Variants in PAK5 observed in about 807,000 individuals in gnomAD.
PAK5 encodes serine/threonine-protein kinase PAK 5.
In PAK5, 16 loss-of-function variants were observed where a neutral mutation model predicts 65.9. The ratio of observed to expected loss-of-function variants is 0.24; its 90% confidence interval spans 0.16 to 0.37. PAK5 has a LOEUF of 0.37. PAK5 is among the 10% of genes least tolerant of loss of function. The pLI is 1.00. For missense variants in PAK5, 785 were observed against 903.9 expected, an observed-to-expected ratio of 0.87 and a Z score of 1.69; for synonymous variants, 371 against 354.9, an observed-to-expected ratio of 1.05 and a Z score of -0.51.
At chr20:9,640,660 T>TAA (rs2047044733) in intron 3 of PAK5, among the ~76,000 whole-genome samples, 1 of 152,214 alleles carries the variant, frequency 6.6e-6, no homozygotes, top group Non-Finnish European at 1.5e-5. Context: ...GTGGCACGTC[T>TAA]GGAGTCTGTC....
At chr20:9,716,057 A>G (rs1162176912) in intron 1 of PAK5, among the ~76,000 whole-genome samples, 1 of 152,160 alleles carries the variant, frequency 6.6e-6, no homozygotes, top group Admixed American at 6.5e-5. Flanking sequence ...AAAAATATGT[A>G]CATAAAAATC....
At chr20:9,799,741 A>G (rs1224855208) in intron 1 of PAK5, among the ~76,000 whole-genome samples, 1 of 151,958 alleles carries the variant, frequency 6.6e-6, no homozygotes, top group Non-Finnish European at 1.5e-5. Context: ...GAAATGAGAG[A>G]GCAGCATGAC....
intron 4 of PAK5, among the ~76,000 whole-genome samples, chr20:9,576,627 T>C (rs764352362): frequency 6.6e-6 from 1 of 152,214 alleles, no homozygotes; most frequent in Non-Finnish European, 1.5e-5. Flanking sequence ...TAATGCAACT[T>C]CATTGCTTCA....
At chr20:9,758,774 T>C (rs961582907) in intron 1 of PAK5, among the ~76,000 whole-genome samples, 3 of 152,196 alleles carry the variant, frequency 2.0e-5, no homozygotes, top group Admixed American at 6.5e-5. Flanking sequence ...ATAAAATGTG[T>C]TCTATTTATG....
chr20:9,667,839 G>A (rs774995881), intron 2 of PAK5, among the ~76,000 whole-genome samples: 3 of 152,142 alleles, frequency 2.0e-5, no homozygotes, highest in African/African-American at 4.8e-5. Flanking sequence ...TATGAAATGA[G>A]AAATTGTTGC....
At chr20:9,578,865 G>C (rs1188687802) in intron 4 of PAK5, among the ~76,000 whole-genome samples, 1 of 151,340 alleles carries the variant, frequency 6.6e-6, no homozygotes, top group Non-Finnish European at 1.5e-5. Context: ...TTAATACCAC[G>C]AGATAAAAAA....
intron 1 of PAK5, among the ~76,000 whole-genome samples, chr20:9,803,998 G>T (rs978031264): frequency 2.0e-5 from 3 of 152,150 alleles, no homozygotes; most frequent in African/African-American, 7.2e-5. Flanking sequence ...TTCCTCCAGA[G>T]GCCTACCTGG....
At chr20:9,629,497 T>A (rs997399469) in intron 3 of PAK5, among the ~76,000 whole-genome samples, 1 of 133,700 alleles carries the variant, frequency 7.5e-6, no homozygotes, top group East Asian at 2.3e-4. Flanking sequence ...TTGAAATATT[T>A]AAAAAATACA....
At chr20:9,607,793 C>T (rs534233535) in intron 3 of PAK5, among the ~76,000 whole-genome samples, 12 of 151,838 alleles carry the variant, frequency 7.9e-5, no homozygotes, top group Non-Finnish European at 1.5e-4. Flanking sequence ...CATGCCACTG[C>T]CCTCCAGCCT....
chr20:9,580,515 C>T lies in PAK5; in HGVS notation c.620G>A (p.Ser207Asn), dbSNP rs370945155. The T allele has an allele frequency of 6.2e-6, 10 of 1,614,124 alleles. No individual in the cohort carries two copies. In the African/African-American group the frequency reaches 1.2e-4, roughly 19 times the overall value. Reference sequence around the variant, plus strand: ...GAGGTCACTGTATTCACTTGGTTTGCTCAGTGAGTCCAAATGTGAGTGATA... The same window carrying T: ...GAGGTCACTGTATTCACTTGGTTTGTTCAGTGAGTCCAAATGTGAGTGATA... Reference protein sequence around the residue: ...ADYHSHLDSLSKPSEYSDLKW... With the variant: ...ADYHSHLDSLNKPSEYSDLKW... The change falls in exon 4 of 10, where the codon AGC (serine) becomes AAC (asparagine). Residue 207 changes from serine to asparagine, a missense_variant. Around this residue, in one of 4 missense-constraint regions of PAK5, gnomAD observed 422 missense variants for 413.3 expected, o/e 1.02. Coordinates refer to ENST00000353224, the MANE Select transcript of PAK5 (RefSeq NM_177990.4).
At chr20:9,581,183 T>G (rs2045974330) in intron 3 of PAK5, among the ~76,000 whole-genome samples, 1 of 152,202 alleles carries the variant, frequency 6.6e-6, no homozygotes, top group Non-Finnish European at 1.5e-5. Flanking sequence ...CAAAAAGCCA[T>G]GTAGGAGACT....
At chr20:9,573,898 A>G (rs1205573873) in intron 4 of PAK5, among the ~76,000 whole-genome samples, 4 of 152,304 alleles carry the variant, frequency 2.6e-5, no homozygotes, top group African/African-American at 7.2e-5. Flanking sequence ...TCAGAGCACA[A>G]TAAAACAAAG....
At chr20:9,646,772 T>C (rs1172041422) in intron 2 of PAK5, among the ~76,000 whole-genome samples, 4 of 152,204 alleles carry the variant, frequency 2.6e-5, no homozygotes, top group Non-Finnish European at 5.9e-5. Flanking sequence ...CTTGCTGTCC[T>C]TAGAAACAGC....
intron 1 of PAK5, among the ~76,000 whole-genome samples, chr20:9,745,896 A>G (rs1377951783): frequency 6.6e-6 from 1 of 152,126 alleles, no homozygotes; most frequent in Non-Finnish European, 1.5e-5. Context: ...AGAAATATGA[A>G]TCCAGTTTGG....
chr20:9,644,737 G>C (rs2047111413), intron 2 of PAK5, among the ~76,000 whole-genome samples: 1 of 152,182 alleles, frequency 6.6e-6, no homozygotes, highest in African/African-American at 2.4e-5. Flanking sequence ...CTCAGCCTAG[G>C]TCTTGGAAGG....
chr20:9,824,888 T>C (rs981007232), intron 1 of PAK5, among the ~76,000 whole-genome samples: 5 of 152,184 alleles, frequency 3.3e-5, no homozygotes, highest in African/African-American at 1.2e-4. Flanking sequence ...ATATGCCTCC[T>C]CATGGTACAT....
chr20:9,684,584 T>A (rs998123060), intron 2 of PAK5, among the ~76,000 whole-genome samples: 2 of 152,178 alleles, frequency 1.3e-5, no homozygotes, highest in Non-Finnish European at 2.9e-5. Context: ...TTTTCCTTCC[T>A]CCCGGGGACA....
At chr20:9,575,488 A>G (rs1283415719) in intron 4 of PAK5, 3 of 152,296 alleles carry the variant, frequency 2.0e-5, no homozygotes, top group South Asian at 2.1e-4. Flanking sequence ...GAAAATCTGG[A>G]TTATCTTTTA....
chr20:9,611,396 G>T (rs1450758730), intron 3 of PAK5, among the ~76,000 whole-genome samples: 1 of 151,950 alleles, frequency 6.6e-6, no homozygotes, highest in African/African-American at 2.4e-5. Context: ...TATCAGAGAA[G>T]AGATGGTACT....
Sources: gnomAD v4.1 joint callset for allele counts (sites outside exome capture counted in the v4.1 genomes callset) on GRCh38, gnomAD v4.1.1 for gene constraint, gnomAD v4.1.1 regional missense constraint, MANE v1.5 for transcripts, NCBI Gene and HGNC (gene_info 2026-07-23, HGNC 2026-07-21) for gene names.